Variants in PLEKHA7 observed in about 807,000 individuals in gnomAD.
PLEKHA7 encodes the protein pleckstrin homology domain-containing family A member 7.
Under a neutral mutation model 170.0 loss-of-function variants are expected in PLEKHA7, and 104 were observed. The ratio of observed to expected loss-of-function variants is 0.61; its 90% CI spans 0.52 to 0.72. The LOEUF (loss-of-function observed/expected upper bound fraction) is 0.72. Among genes scored for constraint, PLEKHA7 ranks in the 30% least tolerant of loss-of-function variants. PLEKHA7 has a pLI of 0.00. For missense variants in PLEKHA7, 1,615 were observed against 1,671.7 expected (o/e 0.97, Z 0.59); for synonymous variants, 648 against 660.8 (o/e 0.98, Z 0.30).
In PLEKHA7 at chr11:16,957,689, A is replaced by ATTTTTTTCTTT. The variant is rs1392019980; in HGVS notation, c.221+56289_221+56299dup. Among the ~76,000 whole-genome samples, 278 of 118,242 alleles carry ATTTTTTTCTTT rather than the reference A, an allele frequency of 2.4e-3. 3 individuals carry two copies. The highest frequency in any genetic ancestry group is 8.8e-3 in the African/African-American group (267 of 30,354). The allele number at this position is 118,242 out of a possible 152,430, so 77.6% of individuals were successfully genotyped here. A position where few individuals can be genotyped will look rare whatever the true frequency, so the allele number is the denominator to read the frequency against. On this transcript the variant is annotated intron_variant, in intron 3 of 26. Transcript: ENST00000531066. The stretch of plus-strand genomic sequence containing the variant: ...ATATTACATGAATTTTACCTCAATA[A>ATTTTTTTCTTT]TTTTTTTCTTTTTTTTTTTTTTTTT...
rs1250604337 is a variant in PLEKHA7, at chr11:16,791,449, C to G, written c.2746-250G>C. On this transcript the variant is annotated intron_variant, in intron 19 of 26. Coordinates refer to ENST00000531066, the MANE Select transcript of PLEKHA7 (RefSeq NM_001329630.2). This position sits in a 1 kb window ranked among gnomAD's most constrained non-coding sequence, Gnocchi z 4.5. ...CAAGTGTTACCTGTATAACTGTGTC[C>G]TGAAACCCAGGACTCAGGTCTCCTG... 3 of 622,600 alleles carry G rather than the reference C, an allele frequency of 4.8e-6. No individual in the cohort carries two copies. The highest frequency in any genetic ancestry group is 3.6e-5 in the African/African-American group (2 of 55,562). 38.6% of individuals were successfully genotyped at this position (622,600 alleles called of 1,614,324 possible).
At chr11:16,782,673 C>T in intron 26 of PLEKHA7, 81 bp downstream of exon 26, 1 of 1,495,896 alleles carries the variant, frequency 6.7e-7, no homozygotes. Flanking sequence ...TCCACTGGCT[C>T]TGGAACAGGC....
intron 3 of PLEKHA7, among the ~76,000 whole-genome samples, chr11:16,998,083 C>T (rs1257136461): frequency 1.3e-5 from 2 of 152,180 alleles, no homozygotes; most frequent in Non-Finnish European, 2.9e-5. Context: ...GGATGATAAC[C>T]GTACCTACCT....
intron 3 of PLEKHA7, among the ~76,000 whole-genome samples, chr11:16,997,128 G>A (rs571087119): frequency 6.6e-6 from 1 of 152,180 alleles, no homozygotes; most frequent in East Asian, 1.9e-4. Context: ...CTGGGCCAAG[G>A]TCATTTCTGT....
At chr11:16,953,096 G>T (rs1355049221) in intron 3 of PLEKHA7, among the ~76,000 whole-genome samples, 1 of 152,236 alleles carries the variant, frequency 6.6e-6, no homozygotes, top group East Asian at 1.9e-4. Flanking sequence ...TTTCATGGAG[G>T]CAGTGAAGTT....
At chr11:16,960,160 G>GC (rs1284319683) in intron 3 of PLEKHA7, among the ~76,000 whole-genome samples, 3 of 152,146 alleles carry the variant, frequency 2.0e-5, no homozygotes, top group Non-Finnish European at 4.4e-5. Context: ...CCTTTCAGGG[G>GC]CCCCCTTCAC....
chr11:16,905,754 G>T (rs1857616598), intron 3 of PLEKHA7, among the ~76,000 whole-genome samples: 1 of 152,194 alleles, frequency 6.6e-6, no homozygotes, highest in East Asian at 1.9e-4. Context: ...CCTGGAATGG[G>T]GGTAATGGAT....
chr11:16,962,866 A>C (rs1449319325), intron 3 of PLEKHA7, among the ~76,000 whole-genome samples: 1 of 152,246 alleles, frequency 6.6e-6, no homozygotes, highest in Non-Finnish European at 1.5e-5. Flanking sequence ...AACAACAAAA[A>C]GAAAATCACA....
At position 16,913,663 on chromosome 11, in the gene PLEKHA7, A is replaced by C. The variant is rs139987089; in HGVS notation, c.222-42481T>G. Reference sequence around the variant, plus strand: ...CAGATGAACTTCCTGACAGAGAGAGAAGCACTGGAAAGGCTGACCCAGTAC... The same window carrying C: ...CAGATGAACTTCCTGACAGAGAGAGCAGCACTGGAAAGGCTGACCCAGTAC... On this transcript the variant is annotated intron_variant, in intron 3 of 26. Coordinates refer to ENST00000531066, the MANE Select transcript of PLEKHA7 (RefSeq NM_001329630.2). 7.6e-4 allele frequency among the ~76,000 whole-genome samples: 116 copies of C among 152,322 alleles called. 2 individuals carry two copies. The East Asian group carries it at 0.021, about 28-fold the overall frequency.
intron 3 of PLEKHA7, among the ~76,000 whole-genome samples, chr11:17,013,666 C>G (rs1486192619): frequency 6.6e-6 from 1 of 152,258 alleles, no homozygotes; most frequent in Admixed American, 6.5e-5. Flanking sequence ...CCCGGCGGGG[C>G]GCAGCCCCAG....
Position 16,782,891 on chromosome 11 carries a change from C to T in PLEKHA7, c.3656G>A (p.Cys1219Tyr), listed in dbSNP as rs1184981046. 6.5e-7 allele frequency: 1 copy of T among 1,536,118 alleles called. No individual in the cohort carries two copies. Residue 1219 changes from cysteine to tyrosine, a missense_variant, in exon 26 of 27, where the codon TGC becomes TAC. Cys to Tyr is a radical substitution (Grantham distance 194). Coordinates refer to ENST00000531066, the MANE Select transcript of PLEKHA7 (RefSeq NM_001329630.2). Reference sequence around the variant, plus strand: ...CTGGCCTGAGGTCGGCTGTAGGTTGCACATGCTGTAGGAGGGTCGGAAGCA... The same window carrying T: ...CTGGCCTGAGGTCGGCTGTAGGTTGTACATGCTGTAGGAGGGTCGGAAGCA... ...IRNILARSSMCNLQPTSGQDQ... is the reference protein window; with the variant it reads ...IRNILARSSMYNLQPTSGQDQ...
At chr11:16,912,742 C>A (rs1455905970) in intron 3 of PLEKHA7, among the ~76,000 whole-genome samples, 4 of 152,138 alleles carry the variant, frequency 2.6e-5, no homozygotes, top group Non-Finnish European at 5.9e-5. Flanking sequence ...TCAGCCCAGA[C>A]TGGGTCCCCG....
At chr11:16,937,339 T>C (rs566121675) in intron 3 of PLEKHA7, among the ~76,000 whole-genome samples, 14 of 152,292 alleles carry the variant, frequency 9.2e-5, no homozygotes, top group Admixed American at 3.9e-4. Flanking sequence ...CCAAGTCTCA[T>C]GAGGTATATA....
At chr11:16,933,096 A>G (rs113040204) in intron 3 of PLEKHA7, among the ~76,000 whole-genome samples, 2 of 152,268 alleles carry the variant, frequency 1.3e-5, no homozygotes, top group African/African-American at 4.8e-5. Context: ...CCGGGGATTA[A>G]GGACGATAAA....
At position 16,778,767 on chromosome 11, in the gene PLEKHA7, G is replaced by A. The variant is rs548614372; in HGVS notation, c.*231C>T. 13 of 594,582 alleles carry A rather than the reference G, an allele frequency of 2.2e-5. No individual in the cohort carries two copies. In the African/African-American group the frequency reaches 2.2e-4, roughly 10 times the overall value. 36.8% of individuals were successfully genotyped at this position (594,582 alleles called of 1,614,324 possible). A position where few individuals can be genotyped will look rare whatever the true frequency, so the allele number is the denominator to read the frequency against. On this transcript the variant is annotated 3_prime_UTR_variant, in exon 27 of 27. Transcript: ENST00000531066. Reference sequence around the variant, plus strand: ...TCTAAAATACAGTGTATTTTACAGTGTATATCAAAAGTGCCTTTGCCATTC... The same window carrying A: ...TCTAAAATACAGTGTATTTTACAGTATATATCAAAAGTGCCTTTGCCATTC...
At chr11:16,988,316 G>A (rs1057297807) in intron 3 of PLEKHA7, among the ~76,000 whole-genome samples, 1 of 152,226 alleles carries the variant, frequency 6.6e-6, no homozygotes, top group African/African-American at 2.4e-5. Context: ...GCTGCCCTGG[G>A]AGCCACATCC....
At chr11:16,916,821 C>T (rs538561060) in intron 3 of PLEKHA7, among the ~76,000 whole-genome samples, 3 of 152,258 alleles carry the variant, frequency 2.0e-5, no homozygotes, top group African/African-American at 7.2e-5. Flanking sequence ...CCCTGCCCAC[C>T]TTCCTCCAAC....
intron 3 of PLEKHA7, among the ~76,000 whole-genome samples, chr11:16,888,957 AAT>A (rs1856413879): frequency 1.7e-5 from 2 of 116,382 alleles, no homozygotes; most frequent in African/African-American, 3.2e-5. Flanking sequence ...AAAAAAAAAA[AAT>A]TAGCCAGTGT....
At chr11:16,906,276 AAG>A (rs1857676859) in intron 3 of PLEKHA7, among the ~76,000 whole-genome samples, 3 of 106,670 alleles carry the variant, frequency 2.8e-5, no homozygotes, top group Non-Finnish European at 6.2e-5. Context: ...GGAAGGAAGG[AAG>A]GAAAGAAAGA....
Sources: allele counts gnomAD v4.1 joint callset (sites outside exome capture counted in the v4.1 genomes callset), GRCh38; gene constraint gnomAD v4.1.1; non-coding constraint Gnocchi (gnomAD v3.1); transcripts MANE v1.5; gene names NCBI Gene and HGNC (gene_info 2026-07-23, HGNC 2026-07-21).